The following SBF2 variants were observed in gnomAD, a reference collection of about 807,000 sequenced individuals.
The protein encoded by SBF2 is SET binding factor 2, also known as myotubularin-related protein 13.
Under a neutral mutation model 225.2 loss-of-function variants are expected in SBF2, and 112 were observed. That is an observed-to-expected ratio of 0.50 (90% CI 0.43 to 0.58). The LOEUF (loss-of-function observed/expected upper bound fraction) is 0.58, where lower values mean the gene tolerates loss of function less well. Among genes scored for constraint, SBF2 ranks in the 20% least tolerant of loss-of-function variants. SBF2 has a pLI of 0.00. For synonymous variants in SBF2, 763 were observed against 773.3 expected, an observed-to-expected ratio of 0.99 and a Z score of 0.22; for missense variants, 1,996 against 2,206.2, an observed-to-expected ratio of 0.90 and a Z score of 1.91.
upstream of SBF2, among the ~76,000 whole-genome samples, chr11:10,296,608 A>T (rs1964552081): frequency 6.6e-6 from 1 of 152,160 alleles, no homozygotes; most frequent in African/African-American, 2.4e-5. Flanking sequence ...ATATGTATAT[A>T]CCATATTTTG....
intron 16 of SBF2, among the ~76,000 whole-genome samples, chr11:9,939,347 T>C (rs1411244906): frequency 2.6e-5 from 4 of 151,514 alleles, no homozygotes; most frequent in Non-Finnish European, 4.4e-5. Flanking sequence ...CCGCCCACCT[T>C]AGCCTCCCAA....
intron 16 of SBF2, among the ~76,000 whole-genome samples, chr11:9,942,938 AGAAG>A (rs1330802236): frequency 1.6e-3 from 239 of 146,296 alleles, no homozygotes; most frequent in African/African-American, 5.4e-3. Context: ...AAAGAAAGAA[AGAAG>A]GAAGGAACGA....
intron 2 of SBF2, among the ~76,000 whole-genome samples, chr11:10,161,126 AGTGAGCCTAAATT>A (rs1046894182): frequency 2.7e-5 from 4 of 147,254 alleles, no homozygotes; most frequent in African/African-American, 1.0e-4. Flanking sequence ...CAGAGTTTGC[AGTGAGCCTAAATT>A]GCACCATTGC....
intron 2 of SBF2, among the ~76,000 whole-genome samples, chr11:10,142,632 A>G (rs1291473169): frequency 6.6e-6 from 1 of 152,224 alleles, no homozygotes; most frequent in Non-Finnish European, 1.5e-5. Flanking sequence ...ATTCTATAAA[A>G]CACTGATACT....
At chr11:10,211,097 T>C (rs1336593201) in intron 1 of SBF2, among the ~76,000 whole-genome samples, 1 of 148,650 alleles carries the variant, frequency 6.7e-6, no homozygotes, top group Non-Finnish European at 1.5e-5. Flanking sequence ...CAATCCCAGG[T>C]ATACTGCTTT....
Position 10,186,773 on chromosome 11 carries a change from T to C in SBF2, c.141+7129A>G, listed in dbSNP as rs145455666. Among the ~76,000 whole-genome samples, 3 of 152,294 alleles carry C rather than the reference T, an allele frequency of 2.0e-5. No individual in the cohort carries two copies. In the East Asian group the frequency reaches 5.8e-4, roughly 29 times the overall value. ...CCCTATCCTGAAACTATTTAGGGCC[T>C]CTCAACCCAAGAGCCATCTCACTGG... On this transcript the variant is annotated intron_variant, in intron 2 of 39. Transcript: ENST00000256190.
At chr11:9,935,587 T>C (rs112651519) in intron 16 of SBF2, among the ~76,000 whole-genome samples, 28 of 152,318 alleles carry the variant, frequency 1.8e-4, no homozygotes, top group African/African-American at 6.7e-4. Context: ...CAAAACAGCA[T>C]GGTACTGGTA....
chr11:9,825,838 T>C (rs1431222969), intron 28 of SBF2, among the ~76,000 whole-genome samples: 2 of 152,160 alleles, frequency 1.3e-5, no homozygotes, highest in African/African-American at 2.4e-5. Context: ...ATTAAAACGA[T>C]TGACAGAGAT....
chr11:9,864,811 A>G (rs1858052279), intron 17 of SBF2, among the ~76,000 whole-genome samples: 1 of 152,230 alleles, frequency 6.6e-6, no homozygotes. Flanking sequence ...GTAGACATCA[A>G]ATCCAAGACT....
chr11:10,047,566 C>T (rs923515724), intron 2 of SBF2, among the ~76,000 whole-genome samples: 1 of 152,244 alleles, frequency 6.6e-6, no homozygotes, highest in Middle Eastern at 3.4e-3. Flanking sequence ...ACCATTACCC[C>T]CTTTGATCCA....
chr11:9,902,871 A>C (rs1861828819), intron 16 of SBF2, among the ~76,000 whole-genome samples: 1 of 152,176 alleles, frequency 6.6e-6, no homozygotes, highest in Admixed American at 6.6e-5. Flanking sequence ...TAAGCCTTTA[A>C]GAATTTCTGT....
intron 2 of SBF2, among the ~76,000 whole-genome samples, chr11:10,093,269 C>T (rs1157764342): frequency 1.3e-5 from 2 of 151,890 alleles, no homozygotes; most frequent in Non-Finnish European, 2.9e-5. Context: ...CCAGCCTCAG[C>T]CTCCCAAAGT....
chr11:10,220,861 T>C (rs1216103838), intron 1 of SBF2, among the ~76,000 whole-genome samples: 1 of 152,156 alleles, frequency 6.6e-6, no homozygotes, highest in Non-Finnish European at 1.5e-5. Context: ...ACATACATAT[T>C]TGTGTTCTTC....
At chr11:9,842,029 G>A (rs960102609) in intron 25 of SBF2, among the ~76,000 whole-genome samples, 2 of 152,178 alleles carry the variant, frequency 1.3e-5, no homozygotes, top group Non-Finnish European at 2.9e-5. Flanking sequence ...CAGCTTCTCT[G>A]TAGTGCTGAT....
chr11:9,978,338 A>G (rs957281979), intron 13 of SBF2, among the ~76,000 whole-genome samples: 1 of 152,222 alleles, frequency 6.6e-6, no homozygotes, highest in South Asian at 2.1e-4. Context: ...ATCCACTGGG[A>G]CAGTCACAAA....
intron 2 of SBF2, among the ~76,000 whole-genome samples, chr11:10,085,743 T>C (rs1484400657): frequency 6.6e-6 from 1 of 152,130 alleles, no homozygotes; most frequent in Non-Finnish European, 1.5e-5. Context: ...TAATGGCTCG[T>C]TTTGAGTGGA....
chr11:9,923,309 A>AAAC (rs112653428), intron 16 of SBF2, among the ~76,000 whole-genome samples: 40,838 of 151,364 alleles, frequency 0.27, 5,544 homozygotes, highest in East Asian at 0.4. Context: ...CCCTAGTTAA[A>AAAC]AACAACAACA....
intron 13 of SBF2, among the ~76,000 whole-genome samples, chr11:9,982,583 T>C (rs1947005337): frequency 6.6e-6 from 1 of 152,186 alleles, no homozygotes; most frequent in South Asian, 2.1e-4. Context: ...TCATGGCAGA[T>C]GGGAGGCAGG....
At chr11:10,194,096 C>A in intron 1 of SBF2, 109 bp from the exon 2 acceptor site, 1 of 816,172 alleles carries the variant, frequency 1.2e-6, no homozygotes, top group Non-Finnish European at 2.1e-6. Flanking sequence ...AGTTAATAAA[C>A]TGATTAAACA....
Sources: allele counts gnomAD v4.1 joint callset (sites outside exome capture counted in the v4.1 genomes callset), GRCh38; gene constraint gnomAD v4.1.1; transcripts MANE v1.5; gene names NCBI Gene and HGNC (gene_info 2026-07-23, HGNC 2026-07-21).